Variants in HOMEZ observed in about 807,000 individuals in gnomAD.
The protein encoded by HOMEZ is homeobox and leucine zipper protein Homez.
In HOMEZ, 20 loss-of-function variants were observed where a neutral mutation model predicts 50.1. That is an observed-to-expected ratio of 0.40 (90% CI 0.28 to 0.58). The LOEUF (loss-of-function observed/expected upper bound fraction) is 0.58. Among genes scored for constraint, HOMEZ ranks in the 20% least tolerant of loss-of-function variants. The pLI, the probability that HOMEZ is intolerant of heterozygous loss-of-function variation, is 0.46. For synonymous variants in HOMEZ, 239 were observed against 254.7 expected (o/e 0.94, Z 0.59); for missense variants, 579 against 680.5 (o/e 0.85, Z 1.66).
rs540265385 is a variant in HOMEZ, at chr14:23,285,968, G to C, written c.-16C>G. 8.1e-7 allele frequency: 1 copy of C among 1,239,892 alleles called. No homozygotes were observed. The highest frequency in any genetic ancestry group is 1.0e-6 in the Non-Finnish European group (1 of 985,330). The allele number at this position is 1,239,892 out of a possible 1,614,324, so 76.8% of individuals were successfully genotyped here. A position where few individuals can be genotyped will look rare whatever the true frequency, so the allele number is the denominator to read the frequency against. ...CTCGCACCATGGGCCGGGGGGAAGT[G>C]GGGGAGAGGGCAGGGGGCCTCCGAG... On this transcript the variant is annotated 5_prime_UTR_variant, in exon 1 of 2. Transcript: ENST00000357460.
chr14:23,275,304 C>G lies in HOMEZ; in HGVS notation c.*271G>C. 1 of 465,944 alleles carries G rather than the reference C, an allele frequency of 2.1e-6. No individual in the cohort carries two copies. Among genetic ancestry groups the G allele is most frequent in the Middle Eastern group, 5.5e-4 (1 of 1,808 alleles). The allele number at this position is 465,944 out of a possible 1,614,324, so 28.9% of individuals were successfully genotyped here. A position where few individuals can be genotyped will look rare whatever the true frequency, so the allele number is the denominator to read the frequency against. On this transcript the variant is annotated 3_prime_UTR_variant, in exon 2 of 2. Transcript: ENST00000357460. ...GACACGAGGAGAGCAAGAGCAGCTT[C>G]CCAGCCCATGGTTTCCCCAGATCCT...
Position 23,272,946 on chromosome 14 carries a change from A to C in HOMEZ, c.*2629T>G, listed in dbSNP as rs1327246864. 1.9e-6 allele frequency: 2 copies of C among 1,031,816 alleles called. No individual in the cohort carries two copies. Among genetic ancestry groups the C allele is most frequent in the African/African-American group, 1.6e-5 (1 of 61,436 alleles). 63.9% of individuals were successfully genotyped at this position (1,031,816 alleles called of 1,614,324 possible). A position where few individuals can be genotyped will look rare whatever the true frequency, so the allele number is the denominator to read the frequency against. On this transcript the variant is annotated 3_prime_UTR_variant, in exon 2 of 2. Coordinates refer to ENST00000357460, the MANE Select transcript of HOMEZ (RefSeq NM_020834.3). ...TGCTGAAGGATGGACTGTAGCTTCC[A>C]GTACGCATTAGGGGTGATGGCCCTG...
At chr14:23,277,291 A>T (rs1187886677) in intron 1 of HOMEZ, 104 bp from the exon 2 acceptor site, 1 of 1,094,642 alleles carries the variant, frequency 9.1e-7, no homozygotes, top group Non-Finnish European at 1.3e-6. Flanking sequence ...TTTAATCTGT[A>T]TTTGTATCAT....
At position 23,275,876 on chromosome 14, in the gene HOMEZ, G is replaced by GTC. The variant is rs766621012; in HGVS notation, c.1350_1351dup (p.Thr451ArgfsTer35). ...GGGTGGAGGGATCGGCAGAGGTGGT[G>GTC]TCTCAGCCCTTTCGTTCAAGGAGCG... On this transcript the variant is annotated frameshift_variant, in exon 2 of 2. Transcript: ENST00000357460. LOFTEE classifies it high-confidence loss of function. 1.3e-6 allele frequency: 2 copies of GTC among 1,599,862 alleles called. No individual in the cohort carries two copies. The highest frequency in any genetic ancestry group is 1.7e-6 in the Non-Finnish European group (2 of 1,172,432).
At chr14:23,282,111 C>T (rs556355324) in intron 1 of HOMEZ, among the ~76,000 whole-genome samples, 1 of 152,264 alleles carries the variant, frequency 6.6e-6, no homozygotes, top group Admixed American at 6.5e-5. Flanking sequence ...TTTATCATGA[C>T]TTCAACTTCA....
At chr14:23,280,197 G>T (rs549488356) in intron 1 of HOMEZ, among the ~76,000 whole-genome samples, 12 of 151,936 alleles carry the variant, frequency 7.9e-5, no homozygotes, top group African/African-American at 2.9e-4. Flanking sequence ...CAGAGATTGG[G>T]GATAAATGAG....
intron 1 of HOMEZ, among the ~76,000 whole-genome samples, chr14:23,283,178 C>A (rs1163156456): frequency 6.6e-6 from 1 of 152,122 alleles, no homozygotes; most frequent in Non-Finnish European, 1.5e-5. Context: ...TTCTGAACAA[C>A]TTCTAAATTT....
Position 23,273,039 on chromosome 14 carries a change from TTCAC to T in HOMEZ, c.*2532_*2535del. 1 of 526,398 alleles carries T rather than the reference TTCAC, an allele frequency of 1.9e-6. No homozygotes were observed. Among genetic ancestry groups the T allele is most frequent in the Non-Finnish European group, 3.3e-6 (1 of 299,976 alleles). 32.6% of individuals were successfully genotyped at this position (526,398 alleles called of 1,614,324 possible). On this transcript the variant is annotated 3_prime_UTR_variant, in exon 2 of 2. Transcript: ENST00000357460. ...TTATGCTCCCCCCATCTTTACCCTA[TTCAC>T]CCTTATCACCTCCCAGGACAGTGGT...
intron 1 of HOMEZ, among the ~76,000 whole-genome samples, chr14:23,280,686 TTTA>T (rs141290709): frequency 1.5e-5 from 2 of 130,100 alleles, no homozygotes; most frequent in African/African-American, 5.6e-5. Context: ...TCTGTTATAT[TTTA>T]TTTTTATTTT....
At chr14:23,278,190 C>T (rs1886411220) in intron 1 of HOMEZ, among the ~76,000 whole-genome samples, 1 of 152,136 alleles carries the variant, frequency 6.6e-6, no homozygotes, top group South Asian at 2.1e-4. Context: ...GGCTGGAGTG[C>T]AGTGGCACCA....
At chr14:23,281,731 A>C (rs1180127770) in intron 1 of HOMEZ, among the ~76,000 whole-genome samples, 1 of 151,688 alleles carries the variant, frequency 6.6e-6, no homozygotes, top group East Asian at 1.9e-4. Context: ...TGGGAGGCCA[A>C]GGTGGGCAGA....
At chr14:23,280,955 G>C (rs980911930) in intron 1 of HOMEZ, among the ~76,000 whole-genome samples, 1 of 150,980 alleles carries the variant, frequency 6.6e-6, no homozygotes, top group African/African-American at 2.4e-5. Context: ...TATTTTAGTA[G>C]AGACAGGATT....
At chr14:23,278,683 T>A (rs1442059199) in intron 1 of HOMEZ, among the ~76,000 whole-genome samples, 1 of 151,784 alleles carries the variant, frequency 6.6e-6, no homozygotes, top group Non-Finnish European at 1.5e-5. Flanking sequence ...GTTTGTTTGT[T>A]TGTTTGTTTT....
chr14:23,274,831 G>C lies in HOMEZ; in HGVS notation c.*744C>G, dbSNP rs1409866261. Reference sequence around the variant, plus strand: ...TGAGGCAGGAGAATGGCATGAACCTGGGAGGCGGAGCTTGCAGTGAGCTGA... The same window carrying C: ...TGAGGCAGGAGAATGGCATGAACCTCGGAGGCGGAGCTTGCAGTGAGCTGA... On this transcript the variant is annotated 3_prime_UTR_variant, in exon 2 of 2. Coordinates refer to ENST00000357460, the MANE Select transcript of HOMEZ (RefSeq NM_020834.3). 2 of 152,042 alleles carry C rather than the reference G, an allele frequency of 1.3e-5. No individual in the cohort carries two copies. Among genetic ancestry groups the C allele is most frequent in the Admixed American group, 6.6e-5 (1 of 15,248 alleles). The allele number at this position is 152,042 out of a possible 1,614,324, so 9.4% of individuals were successfully genotyped here. A position where few individuals can be genotyped will look rare whatever the true frequency, so the allele number is the denominator to read the frequency against.
At chr14:23,280,535 C>T (rs1484380564) in intron 1 of HOMEZ, among the ~76,000 whole-genome samples, 2 of 151,962 alleles carry the variant, frequency 1.3e-5, no homozygotes, top group African/African-American at 4.8e-5. Flanking sequence ...CAGGAATAGC[C>T]TTTGACTGTG....
Position 23,274,220 on chromosome 14 carries a change from C to T in HOMEZ, c.*1355G>A, listed in dbSNP as rs1886283120. ...ATTAATTCACTTAAAGACGATGGTC[C>T]CTCTGTCCCTAAGACAGATCCTATC... On this transcript the variant is annotated 3_prime_UTR_variant, in exon 2 of 2. Coordinates refer to ENST00000357460, the MANE Select transcript of HOMEZ (RefSeq NM_020834.3). 6.6e-6 allele frequency: 1 copy of T among 152,550 alleles called. No homozygotes were observed. Among genetic ancestry groups the T allele is most frequent in the Non-Finnish European group, 1.5e-5 (1 of 68,022 alleles). 9.4% of individuals were successfully genotyped at this position (152,550 alleles called of 1,614,324 possible). A position where few individuals can be genotyped will look rare whatever the true frequency, so the allele number is the denominator to read the frequency against.
rs1047460773 is a variant in HOMEZ at position 23,276,909 on chromosome 14, G to A, written c.319C>T (p.Arg107Cys). ...GACCAGCTAATACCACAGCGGAGGC[G>A]CTGGGCCATAAACCAAGTCTTGACT... Reference protein sequence around the residue: ...EKVKTWFMAQRLRCGISWSSE... With the variant: ...EKVKTWFMAQCLRCGISWSSE... Residue 107 changes from arginine (R) to cysteine (C), a missense_variant, in exon 2 of 2, where the codon CGC (arginine) becomes TGC (cysteine). Arg to Cys is a radical substitution (Grantham distance 180). Coordinates refer to ENST00000357460, the MANE Select transcript of HOMEZ (RefSeq NM_020834.3). The surrounding 1 kb of genome is among the most constrained non-coding windows in gnomAD (Gnocchi z 4.1). 4 of 1,614,022 alleles carry A rather than the reference G, an allele frequency of 2.5e-6. No homozygotes were observed. The highest frequency in any genetic ancestry group is 1.1e-5 in the South Asian group (1 of 91,080).
intron 1 of HOMEZ, among the ~76,000 whole-genome samples, chr14:23,278,375 T>C (rs954005875): frequency 6.6e-6 from 1 of 151,694 alleles, no homozygotes; most frequent in African/African-American, 2.4e-5. Flanking sequence ...TTTGTTTTTG[T>C]TTTTTCAAGA....
chr14:23,272,803 C>T lies in HOMEZ; in HGVS notation c.*2772G>A, dbSNP rs1197648359. On this transcript the variant is annotated 3_prime_UTR_variant, in exon 2 of 2. Coordinates refer to ENST00000357460, the MANE Select transcript of HOMEZ (RefSeq NM_020834.3). The stretch of plus-strand genomic sequence containing the variant: ...TGCTGTTATAAACACCCACATCTAC[C>T]TTCTTGTCCTCTGCTGCAGACTCTC... 6.5e-7 allele frequency: 1 copy of T among 1,533,514 alleles called. No homozygotes were observed. The highest frequency in any genetic ancestry group is 1.2e-5 in the South Asian group (1 of 83,718). 95.0% of individuals were successfully genotyped at this position (1,533,514 alleles called of 1,614,324 possible).
Sources: gnomAD v4.1 joint callset for allele counts (sites outside exome capture counted in the v4.1 genomes callset) on GRCh38, gnomAD v4.1.1 for gene constraint, Gnocchi (gnomAD v3.1) non-coding constraint, MANE v1.5 for transcripts, NCBI Gene and HGNC (gene_info 2026-07-23, HGNC 2026-07-21) for gene names.